The following ADAMTS18 variants were observed in gnomAD, a reference collection of about 807,000 sequenced individuals.
ADAMTS18 encodes the protein A disintegrin and metalloproteinase with thrombospondin motifs 18.
Under a neutral mutation model 165.9 loss-of-function variants are expected in ADAMTS18, and 157 were observed. The ratio of observed to expected loss-of-function variants is 0.95; its 90% CI spans 0.83 to 1.08. The LOEUF is 1.08. Ranked by LOEUF, ADAMTS18 falls within the 50% of genes least tolerant of loss-of-function variation. The pLI, the probability that ADAMTS18 is intolerant of heterozygous loss-of-function variation, is 0.00. For synonymous variants in ADAMTS18, 782 were observed against 578.2 expected (o/e 1.35, Z -5.06); for missense variants, 2,040 against 1,534.0 (o/e 1.33, Z -5.51).
At chr16:77,298,311 G>C (rs976674074) in intron 17 of ADAMTS18, among the ~76,000 whole-genome samples, 3 of 152,184 alleles carry the variant, frequency 2.0e-5, no homozygotes, top group Admixed American at 2.0e-4. Flanking sequence ...AAAAATGTGT[G>C]AATAATTGTA....
At chr16:77,426,688 A>G (rs2057677078) in intron 3 of ADAMTS18, among the ~76,000 whole-genome samples, 1 of 152,196 alleles carries the variant, frequency 6.6e-6, no homozygotes, top group African/African-American at 2.4e-5. Flanking sequence ...CCATGCTCTC[A>G]ACAGTGCCTG....
chr16:77,335,209 T>C (rs1369435802), intron 12 of ADAMTS18, among the ~76,000 whole-genome samples: 2 of 150,096 alleles, frequency 1.3e-5, no homozygotes, highest in Non-Finnish European at 1.5e-5. Context: ...GAGGACATCA[T>C]ATTAAGTGAA....
intron 6 of ADAMTS18, among the ~76,000 whole-genome samples, chr16:77,363,577 T>C (rs890719848): frequency 6.6e-6 from 1 of 151,276 alleles, no homozygotes; most frequent in Non-Finnish European, 1.5e-5. Flanking sequence ...TATTTATGTA[T>C]ACATATGCAT....
At chr16:77,411,677 A>AT (rs34453966) in intron 3 of ADAMTS18, among the ~76,000 whole-genome samples, 3,424 of 73,784 alleles carry the variant, frequency 0.046, 486 homozygotes, top group Non-Finnish European at 0.062. Context: ...AGTATCCAGA[A>AT]TTTTTTTTTT....
At chr16:77,432,674 A>T (rs1412436868) in intron 2 of ADAMTS18, among the ~76,000 whole-genome samples, 2 of 152,080 alleles carry the variant, frequency 1.3e-5, no homozygotes, top group African/African-American at 2.4e-5. Flanking sequence ...ATGACGAGGT[A>T]TGTTTGAGTC....
In ADAMTS18 at chr16:77,283,757, C is replaced by T. The variant is rs2055193454; in HGVS notation, c.*199G>A. 5.2e-6 allele frequency: 3 copies of T among 578,136 alleles called. No individual in the cohort carries two copies. The allele number at this position is 578,136 out of a possible 1,614,324, so 35.8% of individuals were successfully genotyped here. A position where few individuals can be genotyped will look rare whatever the true frequency, so the allele number is the denominator to read the frequency against. On this transcript the variant is annotated 3_prime_UTR_variant, in exon 23 of 23. Coordinates refer to ENST00000282849, the MANE Select transcript of ADAMTS18 (RefSeq NM_199355.4). ...TGTCATCGCTTCCCATTTTCAAGTG[C>T]TTCAGAGTACCACGTGCTTCAGGGA...
intron 3 of ADAMTS18, among the ~76,000 whole-genome samples, chr16:77,399,382 T>C (rs1312684822): frequency 1.3e-5 from 2 of 152,204 alleles, no homozygotes; most frequent in Non-Finnish European, 2.9e-5. Context: ...GAGTTAGAAC[T>C]AGACACTTCT....
intron 10 of ADAMTS18, among the ~76,000 whole-genome samples, chr16:77,343,327 G>A (rs1480893178): frequency 6.6e-6 from 1 of 152,166 alleles, no homozygotes; most frequent in East Asian, 1.9e-4. Context: ...GCCCGCCTTG[G>A]CCTCCCAAAG....
intron 13 of ADAMTS18, among the ~76,000 whole-genome samples, chr16:77,323,149 C>A (rs1033916731): frequency 6.6e-6 from 1 of 152,080 alleles, no homozygotes; most frequent in African/African-American, 2.4e-5. Context: ...ATTTATAGAG[C>A]TCTTGTTATC....
chr16:77,387,162 G>C (rs956089258), intron 3 of ADAMTS18, among the ~76,000 whole-genome samples: 4 of 152,224 alleles, frequency 2.6e-5, no homozygotes, highest in Non-Finnish European at 4.4e-5. Flanking sequence ...AATGTATGCA[G>C]TGATTTCCAA....
At chr16:77,324,234 T>C (rs1378722531) in intron 13 of ADAMTS18, among the ~76,000 whole-genome samples, 2 of 152,114 alleles carry the variant, frequency 1.3e-5, no homozygotes, top group Admixed American at 1.3e-4. Flanking sequence ...GCATGGGACC[T>C]CAAGAGTATA....
chr16:77,326,860 C>A (rs1046376917), intron 12 of ADAMTS18, among the ~76,000 whole-genome samples: 4 of 152,164 alleles, frequency 2.6e-5, no homozygotes, highest in Non-Finnish European at 5.9e-5. Context: ...TTTTTCAATC[C>A]TCTTCCTCCT....
At chr16:77,419,391 A>C (rs1021979401) in intron 3 of ADAMTS18, among the ~76,000 whole-genome samples, 2 of 151,856 alleles carry the variant, frequency 1.3e-5, no homozygotes, top group African/African-American at 4.8e-5. Flanking sequence ...GCTCTCTGAC[A>C]CCCCCTTCTC....
At chr16:77,387,908 G>C (rs925513481) in intron 3 of ADAMTS18, among the ~76,000 whole-genome samples, 2 of 152,182 alleles carry the variant, frequency 1.3e-5, no homozygotes, top group Admixed American at 6.5e-5. Flanking sequence ...GAATGAGAAA[G>C]ATGGTGCCTG....
At position 77,288,530 on chromosome 16, in the gene ADAMTS18, C is replaced by T. The variant is rs1024684421; in HGVS notation, c.3550+734G>A. Among the ~76,000 whole-genome samples the T allele has an allele frequency of 5.9e-5, 9 of 152,088 alleles. No homozygotes were observed. In the South Asian group the frequency reaches 1.0e-3, roughly 18 times the overall value. ...ACAGTTTACTCAGACTTTCCATTTT[C>T]CTATCAGTACTCACTGCACTTCCCT... is the stretch of plus-strand genomic sequence containing the variant. On this transcript the variant is annotated intron_variant, in intron 22 of 22. Coordinates refer to ENST00000282849, the MANE Select transcript of ADAMTS18 (RefSeq NM_199355.4).
chr16:77,284,141 G>A, intron 22 of ADAMTS18, 70 bp from the exon 23 acceptor site: 1 of 947,484 alleles, frequency 1.1e-6, no homozygotes, highest in African/African-American at 1.7e-5. Context: ...TTTTTTTTGA[G>A]ATGGAGTCTC....
At chr16:77,349,524 TAAAAAAAAA>T (rs767997537) in intron 10 of ADAMTS18, among the ~76,000 whole-genome samples, 3 of 71,518 alleles carry the variant, frequency 4.2e-5, no homozygotes, top group Non-Finnish European at 7.5e-5. Context: ...TCATCTTATG[TAAAAAAAAA>T]AAAAAAAAAA....
chr16:77,330,635 C>T (rs547304515), intron 12 of ADAMTS18, among the ~76,000 whole-genome samples: 4 of 152,250 alleles, frequency 2.6e-5, no homozygotes, highest in Admixed American at 2.6e-4. Flanking sequence ...ACAGGGCTTC[C>T]GTCAGTTAAA....
At chr16:77,350,289 T>A (rs577682711) in intron 10 of ADAMTS18, among the ~76,000 whole-genome samples, 8 of 152,160 alleles carry the variant, frequency 5.3e-5, no homozygotes, top group Non-Finnish European at 1.2e-4. Context: ...AAACTCGTGG[T>A]TGGGAAAGGA....
Sources: allele counts gnomAD v4.1 joint callset (sites outside exome capture counted in the v4.1 genomes callset), GRCh38; gene constraint gnomAD v4.1.1; transcripts MANE v1.5; gene names NCBI Gene and HGNC (gene_info 2026-07-23, HGNC 2026-07-21).